Variants in CAMTA1 observed in about 807,000 individuals in gnomAD.
The protein encoded by CAMTA1 is calmodulin binding transcription activator 1.
A neutral mutation model predicts 170.9 loss-of-function variants in CAMTA1; 27 were observed. The observed-to-expected ratio is 0.16, with a 90% CI of 0.12 to 0.22. The LOEUF (loss-of-function observed/expected upper bound fraction) is 0.22. CAMTA1 is among the 10% of genes least tolerant of loss of function. The pLI is 1.00. For missense variants in CAMTA1, 1,619 were observed against 2,217.2 expected (o/e 0.73, Z 5.42); for synonymous variants, 833 against 891.5 (o/e 0.93, Z 1.17).
intron 22 of CAMTA1, among the ~76,000 whole-genome samples, chr1:7,755,936 G>A (rs952164089): frequency 2.0e-5 from 3 of 152,188 alleles, no homozygotes; most frequent in South Asian, 2.1e-4. Context: ...CCGAGGATGC[G>A]GTGGAGGAAG....
chr1:7,442,871 C>T (rs180961896), intron 5 of CAMTA1, among the ~76,000 whole-genome samples: 9 of 152,280 alleles, frequency 5.9e-5, no homozygotes, highest in African/African-American at 2.2e-4. Context: ...ATGGTCCCTG[C>T]CCCCAGAGCT....
intron 6 of CAMTA1, among the ~76,000 whole-genome samples, chr1:7,521,129 G>A (rs1296340409): frequency 6.6e-6 from 1 of 152,176 alleles, no homozygotes; most frequent in African/African-American, 2.4e-5. Flanking sequence ...CCTCTATTCT[G>A]AGACTGATCT....
intron 11 of CAMTA1, among the ~76,000 whole-genome samples, chr1:7,714,687 A>G (rs2096596136): frequency 6.6e-6 from 1 of 151,876 alleles, no homozygotes; most frequent in Admixed American, 6.6e-5. Flanking sequence ...ACACCTGGCT[A>G]ATTTTTGTAT....
At position 7,098,099 on chromosome 1, in the gene CAMTA1, TTG is replaced by T. The variant is rs61519330; in HGVS notation, c.302+6749_302+6750del. Among the ~76,000 whole-genome samples the T allele has an allele frequency of 7.4e-4, 111 of 150,840 alleles. 1 individual carries two copies. The highest frequency in any genetic ancestry group is 4.0e-3 in the South Asian group (19 of 4,774). ...GGCAGGATTGGCTGGGGTGGACGAA[TTG>T]TGTGTGTGTGTGTGTGTGTGCACGT... On this transcript the variant is annotated intron_variant, in intron 4 of 22. Coordinates refer to ENST00000303635, the MANE Select transcript of CAMTA1 (RefSeq NM_015215.4).
chr1:7,183,097 T>C (rs1652553083), intron 4 of CAMTA1, among the ~76,000 whole-genome samples: 1 of 152,188 alleles, frequency 6.6e-6, no homozygotes, highest in African/African-American at 2.4e-5. Flanking sequence ...TTCTGCAGGC[T>C]GTACAGGAAG....
intron 1 of CAMTA1, among the ~76,000 whole-genome samples, chr1:6,805,226 A>C (rs776184708): frequency 3.9e-5 from 6 of 152,174 alleles, no homozygotes; most frequent in Non-Finnish European, 8.8e-5. Flanking sequence ...ATTGTTGTAG[A>C]TGGGAAGTGG....
At chr1:7,583,837 C>T (rs796807343) in intron 6 of CAMTA1, among the ~76,000 whole-genome samples, 128 of 152,242 alleles carry the variant, frequency 8.4e-4, no homozygotes, top group African/African-American at 2.8e-3. Flanking sequence ...TGCCGTCTCC[C>T]GGGAGGTAGA....
rs1201356344 is a variant in CAMTA1, at chr1:7,173,735, A to G, written c.303-75756A>G. On this transcript the variant is annotated intron_variant, in intron 4 of 22. Transcript: ENST00000303635. The surrounding 1 kb of genome is among the most constrained non-coding windows in gnomAD (Gnocchi z 5.4). ...ATTATTTCTTTCTAGCCTTCTTTAC[A>G]TGGTCCCTGGCTTGACTGGGGGTTG... 6.6e-6 allele frequency among the ~76,000 whole-genome samples: 1 copy of G among 151,500 alleles called. No individual in the cohort carries two copies. The highest frequency in any genetic ancestry group is 1.9e-4 in the East Asian group (1 of 5,158).
At chr1:7,071,416 T>C (rs960236961) in intron 3 of CAMTA1, among the ~76,000 whole-genome samples, 8 of 152,252 alleles carry the variant, frequency 5.3e-5, no homozygotes, top group African/African-American at 1.9e-4. Flanking sequence ...TAAAATGTAG[T>C]TTATTATCAT....
intron 11 of CAMTA1, among the ~76,000 whole-genome samples, chr1:7,679,842 C>T (rs1271783585): frequency 6.6e-6 from 1 of 152,222 alleles, no homozygotes; most frequent in Non-Finnish European, 1.5e-5. Flanking sequence ...AGGGGCCCTG[C>T]AGAGAGCAGA....
intron 5 of CAMTA1, among the ~76,000 whole-genome samples, chr1:7,449,527 T>C (rs1048689195): frequency 5.3e-5 from 8 of 152,148 alleles, no homozygotes; most frequent in African/African-American, 1.9e-4. Flanking sequence ...CCCAGCACTT[T>C]GGAAGGCCAA....
At position 7,642,132 on chromosome 1, in the gene CAMTA1, C is replaced by T. The variant is rs2095766883; in HGVS notation, c.664+1579C>T. Among the ~76,000 whole-genome samples the T allele has an allele frequency of 6.6e-6, 1 of 152,164 alleles. No homozygotes were observed. The highest frequency in any genetic ancestry group is 2.1e-4 in the South Asian group (1 of 4,834). On this transcript the variant is annotated intron_variant, in intron 7 of 22. Transcript: ENST00000303635. The surrounding 1 kb of genome is among the most constrained non-coding windows in gnomAD (Gnocchi z 6.3). ...CACCACCCAGCTGGGCCTTCACACC[C>T]CTGTGCCCTGGCCTCCTCGAGCCCC...
At chr1:7,289,754 T>C (rs111944901) in intron 5 of CAMTA1, among the ~76,000 whole-genome samples, 1,798 of 152,264 alleles carry the variant, frequency 0.012, 23 homozygotes, top group African/African-American at 0.029. Flanking sequence ...ATGGAGAGAC[T>C]GCGTGAAGAC....
In CAMTA1 at chr1:7,680,818, G is replaced by T. The variant is rs1036487905; in HGVS notation, c.2914+3085G>T. Among the ~76,000 whole-genome samples the T allele has an allele frequency of 6.7e-6, 1 of 149,800 alleles. No homozygotes were observed. Among genetic ancestry groups the T allele is most frequent in the Non-Finnish European group, 1.5e-5 (1 of 66,874 alleles). ...TTGCTTGGCTAAAGGCCGGGGGGGG[G>T]CGTGGGTCCGGGGCGCAGAGAACAC... On this transcript the variant is annotated intron_variant, in intron 11 of 22. Coordinates refer to ENST00000303635, the MANE Select transcript of CAMTA1 (RefSeq NM_015215.4). The surrounding 1 kb of genome is among the most constrained non-coding windows in gnomAD (Gnocchi z 4.4).
In CAMTA1 at chr1:7,493,188, C is replaced by T. The variant is rs1451310000; in HGVS notation, c.510+25287C>T. The stretch of plus-strand genomic sequence containing the variant: ...ATACACGCGCACACAAATACAAACA[C>T]GCACACACACAAACACAAACCTACA... On this transcript the variant is annotated intron_variant, in intron 6 of 22. Transcript: ENST00000303635. 5.3e-4 allele frequency among the ~76,000 whole-genome samples: 78 copies of T among 147,636 alleles called. 1 individual carries two copies. Among genetic ancestry groups the T allele is most frequent in the Non-Finnish European group, 1.8e-4 (12 of 67,464 alleles).
intron 5 of CAMTA1, among the ~76,000 whole-genome samples, chr1:7,253,877 T>C (rs1023923583): frequency 1.3e-5 from 2 of 152,162 alleles, no homozygotes; most frequent in Non-Finnish European, 2.9e-5. Flanking sequence ...TTGGAGGCTT[T>C]CTATCCACCT....
rs2149580446 is a variant in CAMTA1, at chr1:6,970,763, G to A, written c.235-120541G>A. Among the ~76,000 whole-genome samples, 1 of 151,710 alleles carries A rather than the reference G, an allele frequency of 6.6e-6. No individual in the cohort carries two copies. Among genetic ancestry groups the A allele is most frequent in the South Asian group, 2.1e-4 (1 of 4,778 alleles). ...TACTATAGCAAGTGCTATCTCAGTGGAGATCTGAAGATAACCTGGCAAAAG... is the reference window on the plus strand; with the variant it reads ...TACTATAGCAAGTGCTATCTCAGTGAAGATCTGAAGATAACCTGGCAAAAG... On this transcript the variant is annotated intron_variant, in intron 3 of 22. Coordinates refer to ENST00000303635, the MANE Select transcript of CAMTA1 (RefSeq NM_015215.4). The surrounding 1 kb of genome is among the most constrained non-coding windows in gnomAD (Gnocchi z 4.4).
At chr1:7,401,279 T>C (rs2089882298) in intron 5 of CAMTA1, among the ~76,000 whole-genome samples, 1 of 152,250 alleles carries the variant, frequency 6.6e-6, no homozygotes, top group South Asian at 2.1e-4. Context: ...CCTTTTTCCA[T>C]TGAATTGCCT....
At chr1:7,415,447 A>G (rs1340636048) in intron 5 of CAMTA1, among the ~76,000 whole-genome samples, 9 of 151,914 alleles carry the variant, frequency 5.9e-5, no homozygotes, top group Non-Finnish European at 1.3e-4. Context: ...GTGCTCCTGT[A>G]TTGGGTGCAT....
Sources: gnomAD v4.1 joint callset for allele counts (sites outside exome capture counted in the v4.1 genomes callset) on GRCh38, gnomAD v4.1.1 for gene constraint, Gnocchi (gnomAD v3.1) non-coding constraint, MANE v1.5 for transcripts, NCBI Gene and HGNC (gene_info 2026-07-23, HGNC 2026-07-21) for gene names.